C16orf54: variants seen among roughly 807,000 people sequenced by gnomAD.
C16orf54 encodes the protein transmembrane protein C16orf54.
A neutral mutation model predicts 3.9 loss-of-function variants in C16orf54; 2 were observed. That is an observed-to-expected ratio of 0.52 (90% CI 0.21 to 1.63). C16orf54 has a LOEUF of 1.63. Among genes scored for constraint, C16orf54 ranks in the 40% most tolerant of loss-of-function variants. The probability of loss-of-function intolerance (pLI) is 0.21; values close to 1 mark genes in which losing one functional copy is unlikely to be tolerated. For synonymous variants in C16orf54, 128 were observed against 135.1 expected (o/e 0.95, Z 0.37); for missense variants, 272 against 326.3 (o/e 0.83, Z 1.28).
rs1442662964 is a variant in C16orf54 at position 29,744,580 on chromosome 16, T to A, written c.372A>T (p.Pro124=). The change falls in exon 2 of 2, where the codon CCA becomes CCT. Residue 124 remains proline (P), a synonymous_variant. Transcript: ENST00000329410. The surrounding 1 kb of genome is among the most constrained non-coding windows in gnomAD (Gnocchi z 7.1). ...VGTLEARATA[P]PAPSAPNSAP... is the part of the protein sequence containing the mutation. ...CAGAATTTGGGGCTGAGGGGGCAGG[T>A]GGGGCTGTTGCTCGGGCCTCCAAAG... 1.4e-6 allele frequency: 2 copies of A among 1,472,548 alleles called. No homozygotes were observed. The highest frequency in any genetic ancestry group is 1.8e-6 in the Non-Finnish European group (2 of 1,113,040). 91.2% of individuals were successfully genotyped at this position (1,472,548 alleles called of 1,614,324 possible).
chr16:29,744,176 C>G lies in C16orf54; in HGVS notation c.*101G>C. ...CCAGGTGGAAGGAGCCTGGGAAGGGCATCTTCGCTGGGGCAGTCTCAATCC... is the reference window on the plus strand; with the variant it reads ...CCAGGTGGAAGGAGCCTGGGAAGGGGATCTTCGCTGGGGCAGTCTCAATCC... On this transcript the variant is annotated 3_prime_UTR_variant, in exon 2 of 2. Transcript: ENST00000329410. The surrounding 1 kb of genome is among the most constrained non-coding windows in gnomAD (Gnocchi z 7.1). 9.2e-7 allele frequency: 1 copy of G among 1,089,484 alleles called. No homozygotes were observed. Among genetic ancestry groups the G allele is most frequent in the African/African-American group, 1.6e-5 (1 of 62,762 alleles). 67.5% of individuals were successfully genotyped at this position (1,089,484 alleles called of 1,614,324 possible).
In C16orf54 at chr16:29,743,308, A is replaced by G. The variant is rs1215240747; in HGVS notation, c.*969T>C. ...TTTGGAAAATTAAACCCCCAGGGAA[A>G]TGGAAACTACATCTGCTGCTCACCC... is the stretch of plus-strand genomic sequence containing the variant. On this transcript the variant is annotated 3_prime_UTR_variant, in exon 2 of 2. Coordinates refer to ENST00000329410, the MANE Select transcript of C16orf54 (RefSeq NM_175900.4). The G allele has an allele frequency of 6.6e-6, 1 of 151,498 alleles. No individual in the cohort carries two copies. The highest frequency in any genetic ancestry group is 1.9e-4 in the East Asian group (1 of 5,168). The allele number at this position is 151,498 out of a possible 1,614,324, so 9.4% of individuals were successfully genotyped here.
In C16orf54 at chr16:29,744,402, T is replaced by C; in HGVS notation, c.550A>G (p.Ser184Gly). The change falls in exon 2 of 2, where the codon AGC becomes GGC. Residue 184 changes from serine to glycine, a missense_variant. By Grantham distance (56) the Ser-to-Gly change is moderately conservative (BLOSUM62 0). Transcript: ENST00000329410. This position sits in a 1 kb window ranked among gnomAD's most constrained non-coding sequence, Gnocchi z 7.1. ...QRPEASVQFG[S>G]PQARRQRPGS... Reference sequence around the variant, plus strand: ...GGCCGCTGCCTCCTGGCCTGGGGGCTCCCAAACTGGACGCTGGCCTCTGGC... The same window carrying C: ...GGCCGCTGCCTCCTGGCCTGGGGGCCCCCAAACTGGACGCTGGCCTCTGGC... The C allele has an allele frequency of 1.2e-6, 2 of 1,601,060 alleles. No homozygotes were observed. The highest frequency in any genetic ancestry group is 1.7e-6 in the Non-Finnish European group (2 of 1,174,928).
rs559791749 is a variant in C16orf54, at chr16:29,743,168, G to A, written c.*1109C>T. On this transcript the variant is annotated 3_prime_UTR_variant, in exon 2 of 2. Coordinates refer to ENST00000329410, the MANE Select transcript of C16orf54 (RefSeq NM_175900.4). Reference sequence around the variant, plus strand: ...AGAGGTTGAGGTGGGAGGATCGCTTGAGCCTAGGAGTTCGAGGCTGTAGTG... The same window carrying A: ...AGAGGTTGAGGTGGGAGGATCGCTTAAGCCTAGGAGTTCGAGGCTGTAGTG... 8 of 144,806 alleles carry A rather than the reference G, an allele frequency of 5.5e-5. No homozygotes were observed. The highest frequency in any genetic ancestry group is 2.0e-4 in the African/African-American group (8 of 39,166). 9.0% of individuals were successfully genotyped at this position (144,806 alleles called of 1,614,324 possible). A position where few individuals can be genotyped will look rare whatever the true frequency, so the allele number is the denominator to read the frequency against.
chr16:29,745,596 G>A (rs1225782836), intron 1 of C16orf54, among the ~76,000 whole-genome samples: 2 of 152,150 alleles, frequency 1.3e-5, no homozygotes, highest in Admixed American at 1.3e-4. Flanking sequence ...GGTGGGTGAA[G>A]AAATGAGAAC....
chr16:29,744,338 AC>A lies in C16orf54; in HGVS notation c.613del (p.Val205SerfsTer46). On this transcript the variant is annotated frameshift_variant, in exon 2 of 2. Coordinates refer to ENST00000329410, the MANE Select transcript of C16orf54 (RefSeq NM_175900.4). LOFTEE classifies it high-confidence loss of function. The surrounding 1 kb of genome is among the most constrained non-coding windows in gnomAD (Gnocchi z 7.1). The stretch of plus-strand genomic sequence containing the variant: ...GAAAGCTGAGATCTGCTCCAAGGTG[AC>A]CCGTGGCTGGAGGCCCCACTCAGGA... ...PDPEWGLQPR[V>X]TLEQISAFWK... 6.2e-7 allele frequency: 1 copy of A among 1,612,932 alleles called. No individual in the cohort carries two copies. Among genetic ancestry groups the A allele is most frequent in the South Asian group, 1.1e-5 (1 of 91,034 alleles).
chr16:29,744,226 G>A lies in C16orf54; in HGVS notation c.*51C>T. On this transcript the variant is annotated 3_prime_UTR_variant, in exon 2 of 2. Coordinates refer to ENST00000329410, the MANE Select transcript of C16orf54 (RefSeq NM_175900.4). The surrounding 1 kb of genome is among the most constrained non-coding windows in gnomAD (Gnocchi z 7.1). ...CTAATGCTGGATCCTGGGGTCCCCG[G>A]TCCCACTGAGGCAAGGCCTGCCTCG... The A allele has an allele frequency of 6.6e-7, 1 of 1,522,112 alleles. No homozygotes were observed. Among genetic ancestry groups the A allele is most frequent in the Non-Finnish European group, 9.0e-7 (1 of 1,106,308 alleles). The allele number at this position is 1,522,112 out of a possible 1,614,324, so 94.3% of individuals were successfully genotyped here.
rs566115228 is a variant in C16orf54 at position 29,742,885 on chromosome 16, G to T, written c.*1392C>A. 2.2e-4 allele frequency: 33 copies of T among 152,114 alleles called. No individual in the cohort carries two copies. The highest frequency in any genetic ancestry group is 7.7e-4 in the African/African-American group (32 of 41,466). The allele number at this position is 152,114 out of a possible 1,614,324, so 9.4% of individuals were successfully genotyped here. A position where few individuals can be genotyped will look rare whatever the true frequency, so the allele number is the denominator to read the frequency against. The stretch of plus-strand genomic sequence containing the variant: ...GGATCACTTAAGCCCAGGAGTTCAA[G>T]GCCGCAGTGAGCTGAGATTGTGCCA... On this transcript the variant is annotated 3_prime_UTR_variant, in exon 2 of 2. Coordinates refer to ENST00000329410, the MANE Select transcript of C16orf54 (RefSeq NM_175900.4).
In C16orf54 at chr16:29,744,176, C is replaced by T. The variant is rs141257864; in HGVS notation, c.*101G>A. Reference sequence around the variant, plus strand: ...CCAGGTGGAAGGAGCCTGGGAAGGGCATCTTCGCTGGGGCAGTCTCAATCC... The same window carrying T: ...CCAGGTGGAAGGAGCCTGGGAAGGGTATCTTCGCTGGGGCAGTCTCAATCC... On this transcript the variant is annotated 3_prime_UTR_variant, in exon 2 of 2. Coordinates refer to ENST00000329410, the MANE Select transcript of C16orf54 (RefSeq NM_175900.4). This position sits in a 1 kb window ranked among gnomAD's most constrained non-coding sequence, Gnocchi z 7.1. 889 of 1,089,478 alleles carry T rather than the reference C, an allele frequency of 8.2e-4. 1 individual carries two copies. The highest frequency in any genetic ancestry group is 1.8e-3 in the Middle Eastern group (8 of 4,506). 67.5% of individuals were successfully genotyped at this position (1,089,478 alleles called of 1,614,324 possible).
rs776173900 is a variant in C16orf54 at position 29,744,991 on chromosome 16, A to G, written c.1-40T>C. ...GGTGAGAAGAGGAAGTAAATGAGGC[A>G]GAGGGGGCACAACCAAGATGAGAGA... On this transcript the variant is annotated intron_variant, in intron 1 of 1. Transcript: ENST00000329410. This position sits in a 1 kb window ranked among gnomAD's most constrained non-coding sequence, Gnocchi z 7.1. The G allele has an allele frequency of 2.2e-6, 3 of 1,384,096 alleles. No homozygotes were observed. Among genetic ancestry groups the G allele is most frequent in the Non-Finnish European group, 2.8e-6 (3 of 1,071,192 alleles). 85.7% of individuals were successfully genotyped at this position (1,384,096 alleles called of 1,614,324 possible).
Position 29,744,200 on chromosome 16 carries a change from C to A in C16orf54, c.*77G>T, listed in dbSNP as rs1393918539. 2 of 1,315,260 alleles carry A rather than the reference C, an allele frequency of 1.5e-6. No homozygotes were observed. Among genetic ancestry groups the A allele is most frequent in the East Asian group, 4.9e-5 (2 of 41,198 alleles). 81.5% of individuals were successfully genotyped at this position (1,315,260 alleles called of 1,614,324 possible). On this transcript the variant is annotated 3_prime_UTR_variant, in exon 2 of 2. Transcript: ENST00000329410. This position sits in a 1 kb window ranked among gnomAD's most constrained non-coding sequence, Gnocchi z 7.1. ...GCATCTTCGCTGGGGCAGTCTCAAT[C>A]CTAATGCTGGATCCTGGGGTCCCCG...
chr16:29,745,134 A>G (rs1596818293), intron 1 of C16orf54, 183 bp from the exon 2 acceptor site: 1 of 509,348 alleles, frequency 2.0e-6, no homozygotes, highest in East Asian at 3.5e-5. Flanking sequence ...GGAGTTCAAG[A>G]CCAGCCTGGA....
At position 29,744,117 on chromosome 16, in the gene C16orf54, G is replaced by C; in HGVS notation, c.*160C>G. Reference sequence around the variant, plus strand: ...TGCTGGGCTTCCCCTAGTCCACATAGCCTGGCCACCACCCAGACCCGGGGA... The same window carrying C: ...TGCTGGGCTTCCCCTAGTCCACATACCCTGGCCACCACCCAGACCCGGGGA... On this transcript the variant is annotated 3_prime_UTR_variant, in exon 2 of 2. Transcript: ENST00000329410. The surrounding 1 kb of genome is among the most constrained non-coding windows in gnomAD (Gnocchi z 7.1). 1.4e-6 allele frequency: 1 copy of C among 707,100 alleles called. No homozygotes were observed. Among genetic ancestry groups the C allele is most frequent in the East Asian group, 2.7e-5 (1 of 37,086 alleles). 43.8% of individuals were successfully genotyped at this position (707,100 alleles called of 1,614,324 possible).
rs201665846 is a variant in C16orf54 at position 29,744,299 on chromosome 16, C to G, written c.653G>C (p.Gly218Ala). ...GATTCAGAACCCCACACTGGTCCGGCCTTCACGCTTCCAGAAAGCTGAGAT... is the reference window on the plus strand; with the variant it reads ...GATTCAGAACCCCACACTGGTCCGGGCTTCACGCTTCCAGAAAGCTGAGAT... ...EQISAFWKRE[G>A]RTSVGF The change falls in exon 2 of 2, where the codon GGC becomes GCC. Residue 218 changes from glycine to alanine, a missense_variant. Transcript: ENST00000329410. This position sits in a 1 kb window ranked among gnomAD's most constrained non-coding sequence, Gnocchi z 7.1. 6.2e-6 allele frequency: 10 copies of G among 1,612,984 alleles called. No individual in the cohort carries two copies. Among genetic ancestry groups the G allele is most frequent in the South Asian group, 1.1e-5 (1 of 91,038 alleles).
At position 29,744,874 on chromosome 16, in the gene C16orf54, C is replaced by A. The variant is rs770842982; in HGVS notation, c.78G>T (p.Leu26=). 1 of 1,476,380 alleles carries A rather than the reference C, an allele frequency of 6.8e-7. No individual in the cohort carries two copies. The highest frequency in any genetic ancestry group is 2.7e-5 in the Admixed American group (1 of 37,050). 91.5% of individuals were successfully genotyped at this position (1,476,380 alleles called of 1,614,324 possible). Residue 26 remains leucine, a synonymous_variant, in exon 2 of 2, where the codon CTG becomes CTT. Coordinates refer to ENST00000329410, the MANE Select transcript of C16orf54 (RefSeq NM_175900.4). This position sits in a 1 kb window ranked among gnomAD's most constrained non-coding sequence, Gnocchi z 7.1. ...PAWEAAPWPS[L]PCGPCIPIML... is the part of the protein sequence containing the mutation. Reference sequence around the variant, plus strand: ...TGATGGGGATGCAGGGCCCACAGGGCAGTGAGGGCCATGGGGCTGCTTCCC... The same window carrying A: ...TGATGGGGATGCAGGGCCCACAGGGAAGTGAGGGCCATGGGGCTGCTTCCC...
rs374437369 is a variant in C16orf54, at chr16:29,744,974, G to A, written c.1-23C>T. 30 of 1,407,510 alleles carry A rather than the reference G, an allele frequency of 2.1e-5. No homozygotes were observed. The highest frequency in any genetic ancestry group is 2.8e-5 in the Non-Finnish European group (30 of 1,082,204). 87.2% of individuals were successfully genotyped at this position (1,407,510 alleles called of 1,614,324 possible). On this transcript the variant is annotated intron_variant, in intron 1 of 1. Coordinates refer to ENST00000329410, the MANE Select transcript of C16orf54 (RefSeq NM_175900.4). This position sits in a 1 kb window ranked among gnomAD's most constrained non-coding sequence, Gnocchi z 7.1. ...CATCTGAGAGACACAGGGGTGAGAA[G>A]AGGAAGTAAATGAGGCAGAGGGGGC...
Position 29,744,397 on chromosome 16 carries a change from G to A in C16orf54, c.555C>T (p.Pro185=), listed in dbSNP as rs779130047. The change falls in exon 2 of 2, where the codon CCC becomes CCT. Residue 185 remains proline, a synonymous_variant. Coordinates refer to ENST00000329410, the MANE Select transcript of C16orf54 (RefSeq NM_175900.4). The surrounding 1 kb of genome is among the most constrained non-coding windows in gnomAD (Gnocchi z 7.1). ...TCCCTGGCCGCTGCCTCCTGGCCTGGGGGCTCCCAAACTGGACGCTGGCCT... is the reference window on the plus strand; with the variant it reads ...TCCCTGGCCGCTGCCTCCTGGCCTGAGGGCTCCCAAACTGGACGCTGGCCT... The part of the protein sequence containing the change: ...RPEASVQFGS[P]QARRQRPGSP... 2.5e-6 allele frequency: 4 copies of A among 1,603,488 alleles called. No individual in the cohort carries two copies. In the Admixed American group the frequency reaches 5.2e-5, roughly 21 times the overall value.
At chr16:29,745,035 G>A in intron 1 of C16orf54, 84 bp from the exon 2 acceptor site, 1 of 1,295,212 alleles carries the variant, frequency 7.7e-7, no homozygotes, top group Non-Finnish European at 9.8e-7. Flanking sequence ...AGGTGTCCAG[G>A]AAAGCCTGGG....
chr16:29,742,651 C>T lies in C16orf54; in HGVS notation c.*1626G>A, dbSNP rs977476822. 6.6e-6 allele frequency: 1 copy of T among 152,018 alleles called. No homozygotes were observed. Among genetic ancestry groups the T allele is most frequent in the African/African-American group, 2.4e-5 (1 of 41,386 alleles). The allele number at this position is 152,018 out of a possible 1,614,324, so 9.4% of individuals were successfully genotyped here. A position where few individuals can be genotyped will look rare whatever the true frequency, so the allele number is the denominator to read the frequency against. Reference sequence around the variant, plus strand: ...ATGGTAAACTAATATGGCAAAATCACTAATATTCAAGGCTGAAGTTTGGCC... The same window carrying T: ...ATGGTAAACTAATATGGCAAAATCATTAATATTCAAGGCTGAAGTTTGGCC... On this transcript the variant is annotated 3_prime_UTR_variant, in exon 2 of 2. Transcript: ENST00000329410.
Sources: gnomAD v4.1 joint callset for allele counts (sites outside exome capture counted in the v4.1 genomes callset) on GRCh38, gnomAD v4.1.1 for gene constraint, Gnocchi (gnomAD v3.1) non-coding constraint, MANE v1.5 for transcripts, NCBI Gene and HGNC (gene_info 2026-07-23, HGNC 2026-07-21) for gene names.